Variants in CD302 observed in about 807,000 individuals in gnomAD.
CD302 encodes CD302 antigen.
Under a neutral mutation model 26.5 loss-of-function variants are expected in CD302, and 23 were observed. The observed-to-expected ratio is 0.87, with a 90% CI of 0.62 to 1.23. The LOEUF is 1.23. Ranked by LOEUF, CD302 falls within the 50% of genes most tolerant of loss-of-function variation. The pLI, the probability that CD302 is intolerant of heterozygous loss-of-function variation, is 0.00. For synonymous variants in CD302, 90 were observed against 99.4 expected (o/e 0.91, Z 0.56); for missense variants, 290 against 275.5 (o/e 1.05, Z -0.37).
chr2:159,786,052 G>C (rs1708656011), intron 1 of CD302, among the ~76,000 whole-genome samples: 3 of 152,136 alleles, frequency 2.0e-5, no homozygotes, highest in Admixed American at 2.0e-4. Context: ...CTCGTACAAG[G>C]AAAGTATTAA....
At chr2:159,782,286 G>C (rs184632357) in intron 2 of CD302, among the ~76,000 whole-genome samples, 1 of 151,448 alleles carries the variant, frequency 6.6e-6, no homozygotes, top group Non-Finnish European at 1.5e-5. Context: ...ATTGGTGGGC[G>C]CTGGTAATCC....
chr2:159,780,096 G>A lies in CD302; in HGVS notation c.378C>T (p.Asp126=). The A allele has an allele frequency of 6.2e-7, 1 of 1,614,140 alleles. No homozygotes were observed. The highest frequency in any genetic ancestry group is 8.5e-7 in the Non-Finnish European group (1 of 1,180,024). The change falls in exon 4 of 6, where the codon GAC becomes GAT. Residue 126 remains aspartate, a synonymous_variant. Coordinates refer to ENST00000259053, the MANE Select transcript of CD302 (RefSeq NM_014880.5). ...TDQDDDEDLV[D]TCAFLHIKTG... ...TCTTGATGTGCAGAAAAGCACAGGT[G>A]TCAACTAAATCCTCATCATCATCTT...
intron 4 of CD302, 83 bp from the exon 5 acceptor site, chr2:159,778,047 AAAT>A: frequency 5.6e-6 from 3 of 532,468 alleles, no homozygotes; most frequent in Admixed American, 4.6e-5. Context: ...CAATCATTAA[AAAT>A]AAACCCTTTT....
chr2:159,779,224 G>A lies in CD302; in HGVS notation c.469+781C>T, dbSNP rs543310545. 4.0e-5 allele frequency among the ~76,000 whole-genome samples: 3 copies of A among 74,264 alleles called. No individual in the cohort carries two copies. In the East Asian group the frequency reaches 1.2e-3, roughly 30 times the overall value. The allele number at this position is 74,264 out of a possible 152,430, so 48.7% of individuals were successfully genotyped here. A position where few individuals can be genotyped will look rare whatever the true frequency, so the allele number is the denominator to read the frequency against. ...CCAGCCTGGGCGACAGAGAGAGACTGCATCGCAAAAAAAAAAAAAAAAAAA... is the reference window on the plus strand; with the variant it reads ...CCAGCCTGGGCGACAGAGAGAGACTACATCGCAAAAAAAAAAAAAAAAAAA... On this transcript the variant is annotated intron_variant, in intron 4 of 5. Coordinates refer to ENST00000259053, the MANE Select transcript of CD302 (RefSeq NM_014880.5).
intron 1 of CD302, among the ~76,000 whole-genome samples, chr2:159,790,231 TCCGAAGG>T (rs1237913442): frequency 6.6e-6 from 1 of 152,088 alleles, no homozygotes; most frequent in Non-Finnish European, 1.5e-5. Flanking sequence ...AAACAGATAT[TCCGAAGG>T]TAGGATAGGT....
chr2:159,771,674 C>T lies in CD302; in HGVS notation c.*177G>A. 2 of 705,416 alleles carry T rather than the reference C, an allele frequency of 2.8e-6. No homozygotes were observed. Among genetic ancestry groups the T allele is most frequent in the Non-Finnish European group, 4.5e-6 (2 of 447,344 alleles). 43.7% of individuals were successfully genotyped at this position (705,416 alleles called of 1,614,324 possible). A position where few individuals can be genotyped will look rare whatever the true frequency, so the allele number is the denominator to read the frequency against. On this transcript the variant is annotated 3_prime_UTR_variant, in exon 6 of 6. Transcript: ENST00000259053. ...TTAGATCTAAGATCATTTCTAAAAC[C>T]TGTTTTTTTAATGAACCTAAAGACT...
intron 2 of CD302, chr2:159,781,595 AAG>A (rs771601314): frequency 1.3e-4 from 20 of 150,594 alleles, no homozygotes; most frequent in Admixed American, 6.0e-4. Flanking sequence ...AACAAATGAA[AAG>A]AGAGAGAAAG....
At chr2:159,781,882 TAATA>T (rs1708523052) in intron 2 of CD302, among the ~76,000 whole-genome samples, 1 of 98,602 alleles carries the variant, frequency 1.0e-5, no homozygotes, top group Non-Finnish European at 2.2e-5. Context: ...ATTCCTTCTA[TAATA>T]AATGTATATG....
intron 1 of CD302, among the ~76,000 whole-genome samples, chr2:159,796,212 CTCTT>C (rs1708951158): frequency 6.6e-6 from 1 of 152,328 alleles, no homozygotes; most frequent in East Asian, 1.9e-4. Context: ...CAGCAACAAA[CTCTT>C]TCTTGACTTA....
rs771660286 is a variant in CD302 at position 159,771,916 on chromosome 2, G to GTGAT, written c.630_633dup (p.Pro212IlefsTer4). The GTGAT allele has an allele frequency of 3.7e-6, 6 of 1,613,940 alleles. No individual in the cohort carries two copies. Among genetic ancestry groups the GTGAT allele is most frequent in the Non-Finnish European group, 5.1e-6 (6 of 1,179,900 alleles). On this transcript the variant is annotated frameshift_variant, in exon 6 of 6. Coordinates refer to ENST00000259053, the MANE Select transcript of CD302 (RefSeq NM_014880.5). LOFTEE classifies it high-confidence loss of function. The stretch of plus-strand genomic sequence containing the variant: ...ACCAAAACACAGTCTTCATTATAAG[G>GTGAT]TGATTGGGGTGCGGTTGAAAAAACT...
At chr2:159,796,508 ATGAG>A (rs1056450002) in intron 1 of CD302, among the ~76,000 whole-genome samples, 15 of 152,216 alleles carry the variant, frequency 9.9e-5, no homozygotes, top group Non-Finnish European at 1.9e-4. Context: ...CAATAGCCCC[ATGAG>A]TAAGTATTAT....
Position 159,771,747 on chromosome 2 carries a change from C to A in CD302, c.*104G>T, listed in dbSNP as rs1053685430. ...AAAATGTTACTGGAATAAGGAATAC[C>A]ATTAAAGCTCTAATATCCAATGTCA... On this transcript the variant is annotated 3_prime_UTR_variant, in exon 6 of 6. Coordinates refer to ENST00000259053, the MANE Select transcript of CD302 (RefSeq NM_014880.5). The A allele has an allele frequency of 5.2e-5, 66 of 1,264,282 alleles. No homozygotes were observed. Among genetic ancestry groups the A allele is most frequent in the Middle Eastern group, 5.4e-4 (2 of 3,706 alleles). 78.3% of individuals were successfully genotyped at this position (1,264,282 alleles called of 1,614,324 possible).
chr2:159,778,074 TATC>T, intron 4 of CD302, 110 bp from the exon 5 acceptor site: 1 of 166,124 alleles, frequency 6.0e-6, no homozygotes, highest in South Asian at 1.1e-4. Context: ...AGTAGCTTAA[TATC>T]AATATATTCA....
intron 1 of CD302, among the ~76,000 whole-genome samples, chr2:159,792,422 CTGTGTGTGTGTG>C (rs3138650): frequency 0.072 from 10,460 of 145,210 alleles, 747 homozygotes; most frequent in African/African-American, 0.19. Flanking sequence ...AGAACCAACT[CTGTGTGTGTGTG>C]TGTGTGTGTG....
At chr2:159,772,195 C>G in intron 5 of CD302, 142 bp from the exon 6 acceptor site, 2 of 891,232 alleles carry the variant, frequency 2.2e-6, no homozygotes, top group Non-Finnish European at 3.3e-6. Flanking sequence ...CCAAAAATTT[C>G]GCATTTGTTA....
intron 1 of CD302, among the ~76,000 whole-genome samples, chr2:159,794,580 G>A (rs142401916): frequency 0.038 from 5,663 of 150,480 alleles, 341 homozygotes; most frequent in African/African-American, 0.13. Flanking sequence ...ACTGAGTCTC[G>A]CTCTGTCGCC....
At chr2:159,772,279 T>C (rs1574482714) in intron 5 of CD302, among the ~76,000 whole-genome samples, 1 of 152,230 alleles carries the variant, frequency 6.6e-6, no homozygotes, top group Non-Finnish European at 1.5e-5. Flanking sequence ...TTCTCCACTC[T>C]ACTGAAGACC....
rs1377056793 is a variant in CD302, at chr2:159,770,678, C to T, written c.*1173G>A. 2 of 152,118 alleles carry T rather than the reference C, an allele frequency of 1.3e-5. No homozygotes were observed. Among genetic ancestry groups the T allele is most frequent in the African/African-American group, 4.8e-5 (2 of 41,442 alleles). 9.4% of individuals were successfully genotyped at this position (152,118 alleles called of 1,614,324 possible). On this transcript the variant is annotated 3_prime_UTR_variant, in exon 6 of 6. Transcript: ENST00000259053. ...AGACCATATTTTTACTGTACCTTTT[C>T]TATATTTAGATACACAAATATTGTG...
At chr2:159,787,563 C>T (rs1708701297) in intron 1 of CD302, among the ~76,000 whole-genome samples, 1 of 152,030 alleles carries the variant, frequency 6.6e-6, no homozygotes, top group African/African-American at 2.4e-5. Flanking sequence ...AGTACTTTTA[C>T]CACTTCCTAG....
Sources: gnomAD v4.1 joint callset for allele counts (sites outside exome capture counted in the v4.1 genomes callset) on GRCh38, gnomAD v4.1.1 for gene constraint, MANE v1.5 for transcripts, NCBI Gene and HGNC (gene_info 2026-07-23, HGNC 2026-07-21) for gene names.